The following SENP1 variants were observed in gnomAD, a reference collection of about 807,000 sequenced individuals.
SENP1 encodes sentrin-specific protease 1.
Under a neutral mutation model 93.0 loss-of-function variants are expected in SENP1, and 21 were observed. That is an observed-to-expected ratio of 0.23 (90% confidence interval 0.16 to 0.33). The LOEUF (loss-of-function observed/expected upper bound fraction) is 0.33. Ranked by LOEUF, SENP1 falls within the 10% of genes least tolerant of loss-of-function variation. The probability of loss-of-function intolerance (pLI) is 1.00; values close to 1 mark genes in which losing one functional copy is unlikely to be tolerated. For synonymous variants in SENP1, 256 were observed against 259.6 expected (o/e 0.99, Z 0.13); for missense variants, 591 against 758.7 (o/e 0.78, Z 2.60).
chr12:48,083,732 T>C lies in SENP1; in HGVS notation c.411A>G (p.Ser137=), dbSNP rs770476191. ...ATGCAGATACATGGCAGTGATGGTT[T>C]GACTTTCCCGCAAAACTGTTTGATA... is the stretch of plus-strand genomic sequence containing the variant. ...SGLSNSFAGK[S]NHHCHVSAYE... is the part of the protein sequence containing the mutation. The change falls in exon 6 of 18, where the codon TCA becomes TCG. Residue 137 remains serine, a synonymous_variant. Transcript: ENST00000549518. 3 of 1,611,488 alleles carry C rather than the reference T, an allele frequency of 1.9e-6. No individual in the cohort carries two copies. The Admixed American group carries it at 5.0e-5, about 27-fold the overall frequency.
chr12:48,053,983 C>T (rs139273500), intron 13 of SENP1, among the ~76,000 whole-genome samples: 57 of 152,134 alleles, frequency 3.7e-4, no homozygotes, highest in African/African-American at 1.3e-3. Context: ...AATTCATCCA[C>T]GTAAATTGAC....
At chr12:48,090,653 G>A (rs1945165371) in intron 4 of SENP1, among the ~76,000 whole-genome samples, 1 of 152,082 alleles carries the variant, frequency 6.6e-6, no homozygotes, top group African/African-American at 2.4e-5. Context: ...CTGGAGTGTA[G>A]TGGCACAATG....
chr12:48,102,950 C>A (rs1258273131), intron 1 of SENP1, among the ~76,000 whole-genome samples: 3 of 151,994 alleles, frequency 2.0e-5, no homozygotes, highest in African/African-American at 7.3e-5. Flanking sequence ...TCCAAATGCT[C>A]AACTTAAAAG....
chr12:48,091,888 C>T (rs531642184), intron 4 of SENP1, among the ~76,000 whole-genome samples: 1 of 152,164 alleles, frequency 6.6e-6, no homozygotes, highest in East Asian at 1.9e-4. Context: ...AGTACGTTGC[C>T]TGGGCTGGTC....
At chr12:48,060,130 T>C (rs542160717) in intron 13 of SENP1, among the ~76,000 whole-genome samples, 1 of 152,326 alleles carries the variant, frequency 6.6e-6, no homozygotes, top group African/African-American at 2.4e-5. Flanking sequence ...ATACCTTTTA[T>C]TTCCCTTCCT....
intron 6 of SENP1, among the ~76,000 whole-genome samples, chr12:48,079,598 G>A (rs1565783752): frequency 6.6e-6 from 1 of 152,066 alleles, no homozygotes; most frequent in African/African-American, 2.4e-5. Context: ...TTTAAAACCT[G>A]AAAAAACCCT....
chr12:48,096,000 A>G (rs1945533055), intron 4 of SENP1, among the ~76,000 whole-genome samples: 1 of 152,222 alleles, frequency 6.6e-6, no homozygotes, highest in African/African-American at 2.4e-5. Flanking sequence ...TTGCTCTGTG[A>G]TTTAAATTAA....
At chr12:48,085,023 C>T (rs1944754471) in intron 5 of SENP1, 3 of 1,029,316 alleles carry the variant, frequency 2.9e-6, no homozygotes, top group East Asian at 5.2e-5. Context: ...ATGAGAGTGG[C>T]TTCTGGTGCT....
At chr12:48,104,492 ATCAC>A (rs1298248658) in intron 1 of SENP1, among the ~76,000 whole-genome samples, 1 of 152,154 alleles carries the variant, frequency 6.6e-6, no homozygotes, top group East Asian at 1.9e-4. Flanking sequence ...ATCTCTCCCA[ATCAC>A]TCTAACACCT....
intron 13 of SENP1, among the ~76,000 whole-genome samples, chr12:48,052,069 G>T (rs1941859725): frequency 6.6e-6 from 1 of 152,132 alleles, no homozygotes; most frequent in Non-Finnish European, 1.5e-5. Flanking sequence ...GGGATGGGTG[G>T]GTTGTTTATA....
chr12:48,063,940 C>A, intron 12 of SENP1, 99 bp from the exon 13 acceptor site: 2 of 1,127,502 alleles, frequency 1.8e-6, no homozygotes, highest in South Asian at 1.6e-5. Context: ...ATATTTATCA[C>A]CATTCGATTG....
intron 6 of SENP1, among the ~76,000 whole-genome samples, chr12:48,079,423 C>A (rs572791729): frequency 3.3e-5 from 5 of 152,084 alleles, no homozygotes; most frequent in African/African-American, 1.2e-4. Flanking sequence ...TGCTTGAACC[C>A]GGGAGACGGA....
chr12:48,073,866 G>A (rs1015963634), intron 8 of SENP1, among the ~76,000 whole-genome samples: 2 of 152,174 alleles, frequency 1.3e-5, no homozygotes, highest in Non-Finnish European at 2.9e-5. Flanking sequence ...CTGTACTTAG[G>A]AAGTTGTTTA....
At chr12:48,072,239 C>G (rs901578539) in intron 8 of SENP1, among the ~76,000 whole-genome samples, 2 of 152,206 alleles carry the variant, frequency 1.3e-5, no homozygotes, top group African/African-American at 4.8e-5. Context: ...ATCCCTTTGT[C>G]CAGCATATCC....
intron 13 of SENP1, 139 bp downstream of exon 13, chr12:48,063,571 C>A: frequency 1.4e-6 from 1 of 720,542 alleles, no homozygotes; most frequent in South Asian, 2.3e-5. Context: ...CTCATAGTTA[C>A]AAGAATGAAG....
chr12:48,069,435 T>G (rs1023705587), intron 9 of SENP1, among the ~76,000 whole-genome samples: 1 of 152,150 alleles, frequency 6.6e-6, no homozygotes, highest in East Asian at 1.9e-4. Flanking sequence ...CAAACAGCCT[T>G]ACCCAACAGA....
At chr12:48,070,880 C>G (rs566234196) in intron 9 of SENP1, among the ~76,000 whole-genome samples, 1 of 152,034 alleles carries the variant, frequency 6.6e-6, no homozygotes, top group East Asian at 1.9e-4. Flanking sequence ...TCGCTTGAGG[C>G]TAGGAGTACA....
Position 48,042,938 on chromosome 12 carries a change from CATAAG to C in SENP1, c.*2379_*2383del, listed in dbSNP as rs1453586381. ...GTCTTATTTAGTTTAAAGTAAATTACATAAGATATTAATAACATGCCTTTGGGCCA... is the reference window on the plus strand; with the variant it reads ...GTCTTATTTAGTTTAAAGTAAATTACATATTAATAACATGCCTTTGGGCCA... On this transcript the variant is annotated 3_prime_UTR_variant, in exon 18 of 18. Coordinates refer to ENST00000549518, the MANE Select transcript of SENP1 (RefSeq NM_001267594.2). 4 of 151,846 alleles carry C rather than the reference CATAAG, an allele frequency of 2.6e-5. No homozygotes were observed. The South Asian group carries it at 6.2e-4, about 24-fold the overall frequency. 9.4% of individuals were successfully genotyped at this position (151,846 alleles called of 1,614,324 possible). A position where few individuals can be genotyped will look rare whatever the true frequency, so the allele number is the denominator to read the frequency against.
intron 6 of SENP1, among the ~76,000 whole-genome samples, chr12:48,077,890 C>T (rs1592394754): frequency 6.6e-6 from 1 of 151,952 alleles, no homozygotes; most frequent in African/African-American, 2.4e-5. Flanking sequence ...TTTGTTCTTT[C>T]TGCTCATAAT....
Sources: gnomAD v4.1 joint callset for allele counts (sites outside exome capture counted in the v4.1 genomes callset) on GRCh38, gnomAD v4.1.1 for gene constraint, MANE v1.5 for transcripts, NCBI Gene and HGNC (gene_info 2026-07-23, HGNC 2026-07-21) for gene names.